Variants in KCNC2 observed in about 807,000 individuals in gnomAD.
The protein encoded by KCNC2 is potassium voltage-gated channel subfamily C member 2, also known as voltage-gated potassium channel KCNC2.
KCNC2 carries 21 observed loss-of-function variants against 44.5 expected under a neutral mutation model. The observed-to-expected ratio is 0.47, with a 90% CI of 0.33 to 0.68. The LOEUF (loss-of-function observed/expected upper bound fraction) is 0.68. Among genes scored for constraint, KCNC2 ranks in the 30% least tolerant of loss-of-function variants. KCNC2 has a pLI of 0.01. For missense variants in KCNC2, 589 were observed against 826.2 expected (o/e 0.71, Z 3.52); for synonymous variants, 391 against 339.1 (o/e 1.15, Z -1.68).
chr12:75,076,413 G>C (rs1883982039), intron 2 of KCNC2, among the ~76,000 whole-genome samples: 1 of 152,036 alleles, frequency 6.6e-6, no homozygotes, highest in East Asian at 1.9e-4. Flanking sequence ...GCTGGGACTA[G>C]AGGCGCCCGC....
At chr12:75,135,737 TG>T (rs1889180742) in intron 2 of KCNC2, among the ~76,000 whole-genome samples, 1 of 152,186 alleles carries the variant, frequency 6.6e-6, no homozygotes, top group South Asian at 2.1e-4. Context: ...ACAATAGATT[TG>T]ATCTCTACCC....
chr12:75,171,886 G>A (rs1323648975), intron 2 of KCNC2, among the ~76,000 whole-genome samples: 3 of 151,750 alleles, frequency 2.0e-5, no homozygotes, highest in African/African-American at 4.8e-5. Flanking sequence ...CAGCTGCTAT[G>A]TATCAACAAA....
chr12:75,096,841 G>A (rs1885969979), intron 2 of KCNC2, among the ~76,000 whole-genome samples: 1 of 151,932 alleles, frequency 6.6e-6, no homozygotes, highest in Non-Finnish European at 1.5e-5. Context: ...TATTCTTATT[G>A]CTTTTAAGCA....
intron 2 of KCNC2, among the ~76,000 whole-genome samples, chr12:75,105,188 G>A (rs990528318): frequency 1.3e-5 from 2 of 152,062 alleles, no homozygotes; most frequent in African/African-American, 4.8e-5. Context: ...TCATTGCAGA[G>A]TGACATATAA....
intron 2 of KCNC2, among the ~76,000 whole-genome samples, chr12:75,166,465 C>A (rs1374636978): frequency 6.7e-6 from 1 of 149,200 alleles, no homozygotes; most frequent in African/African-American, 2.5e-5. Context: ...AAAGTTAGAC[C>A]TAACAGATGT....
intron 2 of KCNC2, among the ~76,000 whole-genome samples, chr12:75,076,034 T>TAC (rs1592815086): frequency 2.0e-5 from 2 of 101,048 alleles, no homozygotes; most frequent in African/African-American, 3.6e-5. Flanking sequence ...TTATTAATGT[T>TAC]ACATACACAC....
chr12:75,122,095 A>C (rs996810871), intron 2 of KCNC2, among the ~76,000 whole-genome samples: 10 of 152,200 alleles, frequency 6.6e-5, no homozygotes, highest in African/African-American at 2.4e-4. Flanking sequence ...ATCTGGAGAA[A>C]TCACAGGTCA....
At chr12:75,054,877 A>G (rs1881573881) in intron 2 of KCNC2, among the ~76,000 whole-genome samples, 1 of 152,206 alleles carries the variant, frequency 6.6e-6, no homozygotes, top group Non-Finnish European at 1.5e-5. Context: ...AGAATTATCC[A>G]GAGGCAAACA....
At chr12:75,043,844 G>T (rs1339041222) in intron 4 of KCNC2, 1 of 1,137,056 alleles carries the variant, frequency 8.8e-7, no homozygotes, top group Admixed American at 2.6e-5. Context: ...GAAAAAAAAA[G>T]AAAATGAATG....
chr12:75,050,333 A>T, intron 3 of KCNC2, 57 bp downstream of exon 3: 1 of 1,243,780 alleles, frequency 8.0e-7, no homozygotes, highest in Non-Finnish European at 1.1e-6. Flanking sequence ...CCTTCTGCCT[A>T]AGGAACATAC....
chr12:75,195,582 T>C (rs975295306), intron 2 of KCNC2, among the ~76,000 whole-genome samples: 1 of 152,060 alleles, frequency 6.6e-6, no homozygotes, highest in East Asian at 1.9e-4. Flanking sequence ...AAACTCCTCT[T>C]CAACTGTGTC....
chr12:75,197,628 T>C (rs1277208489), intron 2 of KCNC2, among the ~76,000 whole-genome samples: 1 of 152,046 alleles, frequency 6.6e-6, no homozygotes, highest in Admixed American at 6.6e-5. Context: ...AACCTAGTTC[T>C]GGCCAACAGT....
chr12:75,197,397 C>A (rs539085956), intron 2 of KCNC2, among the ~76,000 whole-genome samples: 7 of 152,102 alleles, frequency 4.6e-5, no homozygotes, highest in Admixed American at 3.3e-4. Flanking sequence ...ACTCCACTGA[C>A]CTTCCCCTTG....
intron 2 of KCNC2, among the ~76,000 whole-genome samples, chr12:75,142,635 C>G (rs1162241745): frequency 1.3e-5 from 2 of 152,198 alleles, no homozygotes; most frequent in African/African-American, 4.8e-5. Context: ...AAGATTCACT[C>G]ATGACTTGAA....
intron 2 of KCNC2, among the ~76,000 whole-genome samples, chr12:75,122,727 T>C (rs1181439217): frequency 6.6e-6 from 1 of 152,160 alleles, no homozygotes; most frequent in Non-Finnish European, 1.5e-5. Flanking sequence ...ATCTATGAAA[T>C]ATTCATTATC....
At chr12:75,152,128 G>A (rs1189190115) in intron 2 of KCNC2, among the ~76,000 whole-genome samples, 2 of 149,876 alleles carry the variant, frequency 1.3e-5, no homozygotes, top group African/African-American at 4.9e-5. Flanking sequence ...AGAAAGGAGA[G>A]CAAATGCTGT....
chr12:75,052,362 T>C (rs1881269313), intron 2 of KCNC2, among the ~76,000 whole-genome samples: 1 of 152,120 alleles, frequency 6.6e-6, no homozygotes, highest in African/African-American at 2.4e-5. Flanking sequence ...AAATGCAGAA[T>C]ACAAATGTGT....
intron 2 of KCNC2, among the ~76,000 whole-genome samples, chr12:75,094,013 C>CTTTT (rs1391242772): frequency 6.6e-6 from 1 of 151,608 alleles, no homozygotes; most frequent in East Asian, 1.9e-4. Context: ...AATCCCTTTT[C>CTTTT]TTTTTAAATT....
chr12:75,105,213 G>A (rs1279655906), intron 2 of KCNC2, among the ~76,000 whole-genome samples: 1 of 152,128 alleles, frequency 6.6e-6, no homozygotes, highest in African/African-American at 2.4e-5. Flanking sequence ...AAGGCTGAAG[G>A]AAGTGAGTGT....
Sources: gnomAD v4.1 joint callset for allele counts (sites outside exome capture counted in the v4.1 genomes callset) on GRCh38, gnomAD v4.1.1 for gene constraint, MANE v1.5 for transcripts, NCBI Gene and HGNC (gene_info 2026-07-23, HGNC 2026-07-21) for gene names.